APLP2: variants seen among roughly 807,000 people sequenced by gnomAD.
The protein encoded by APLP2 is amyloid beta precursor like protein 2, also known as CDEI box-binding protein.
Under a neutral mutation model 89.9 loss-of-function variants are expected in APLP2, and 53 were observed. That is an observed-to-expected ratio of 0.59 (90% confidence interval 0.47 to 0.74). The LOEUF (loss-of-function observed/expected upper bound fraction) is 0.74. Among genes scored for constraint, APLP2 ranks in the 30% least tolerant of loss-of-function variants. The probability of loss-of-function intolerance (pLI) is 0.00; values close to 1 mark genes in which losing one functional copy is unlikely to be tolerated. For missense variants in APLP2, 973 were observed against 975.9 expected (o/e 1.00, Z 0.04); for synonymous variants, 372 against 348.6 (o/e 1.07, Z -0.75).
chr11:130,078,179 T>C (rs1456934030), intron 1 of APLP2, among the ~76,000 whole-genome samples: 1 of 150,716 alleles, frequency 6.6e-6, no homozygotes, highest in Non-Finnish European at 1.5e-5. Flanking sequence ...TTTTTTTTTT[T>C]TAGCTTCATA....
chr11:130,113,057 C>A (rs1013875797), intron 3 of APLP2, among the ~76,000 whole-genome samples: 1 of 152,184 alleles, frequency 6.6e-6, no homozygotes, highest in East Asian at 1.9e-4. Flanking sequence ...CTGTAATACT[C>A]CTTGCTGTTG....
intron 7 of APLP2, among the ~76,000 whole-genome samples, chr11:130,125,439 AATGG>A (rs1261862334): frequency 1.3e-5 from 2 of 152,168 alleles, no homozygotes. Context: ...TGTCTTGGGG[AATGG>A]CATTTACCAA....
At chr11:130,136,610 G>T (rs1272544982) in intron 13 of APLP2, among the ~76,000 whole-genome samples, 1 of 152,126 alleles carries the variant, frequency 6.6e-6, no homozygotes, top group Non-Finnish European at 1.5e-5. Context: ...AATTAGGGGT[G>T]GGGGGATGGA....
intron 1 of APLP2, chr11:130,101,859 T>C (rs1946973436): frequency 1.1e-5 from 5 of 443,034 alleles, no homozygotes; most frequent in African/African-American, 1.0e-4. Flanking sequence ...TTTCCACTAA[T>C]GTCCTTTTCC....
chr11:130,085,992 G>C (rs1472835904), intron 1 of APLP2, among the ~76,000 whole-genome samples: 1 of 152,200 alleles, frequency 6.6e-6, no homozygotes, highest in Admixed American at 6.5e-5. Context: ...AAACAATGCT[G>C]CTATGAAAAT....
At chr11:130,076,256 G>A (rs929495331) in intron 1 of APLP2, among the ~76,000 whole-genome samples, 2 of 152,014 alleles carry the variant, frequency 1.3e-5, no homozygotes, top group African/African-American at 4.8e-5. Flanking sequence ...TATATTTTTA[G>A]TAGAGACAAG....
intron 1 of APLP2, among the ~76,000 whole-genome samples, chr11:130,090,376 A>T (rs1427707343): frequency 2.0e-5 from 3 of 147,544 alleles, no homozygotes; most frequent in Admixed American, 6.7e-5. Flanking sequence ...AAGTGAACAA[A>T]GGTCTCTGGT....
At chr11:130,101,525 G>C (rs1389132477) in intron 1 of APLP2, 2 of 161,690 alleles carry the variant, frequency 1.2e-5, no homozygotes, top group Admixed American at 1.3e-4. Context: ...TATTGAGCCT[G>C]TTCCGATTTT....
At chr11:130,129,516 A>C (rs1591836718) in intron 10 of APLP2, among the ~76,000 whole-genome samples, 3 of 152,338 alleles carry the variant, frequency 2.0e-5, no homozygotes, top group Admixed American at 2.0e-4. Context: ...AAAACATGCT[A>C]TTCATGAAGA....
intron 1 of APLP2, among the ~76,000 whole-genome samples, chr11:130,079,315 TCTCAAA>T (rs2135389171): frequency 1.3e-5 from 2 of 152,230 alleles, no homozygotes; most frequent in Admixed American, 1.3e-4. Context: ...GTCAGGCTGG[TCTCAAA>T]CTCCTGACCT....
Position 130,141,240 on chromosome 11 carries a change from C to G in APLP2, c.1924-258C>G, listed in dbSNP as rs1952345498. ...CTTTTTGGCAGTCTGTTCTGAGATA[C>G]GTCTCCACAACGGTTACTTGAAGGA... On this transcript the variant is annotated intron_variant, in intron 14 of 16. Transcript: ENST00000338167. The surrounding 1 kb of genome is among the most constrained non-coding windows in gnomAD (Gnocchi z 4.2). The G allele has an allele frequency of 4.3e-6, 2 of 463,400 alleles. No individual in the cohort carries two copies. The highest frequency in any genetic ancestry group is 2.8e-5 in the South Asian group (1 of 36,172). The allele number at this position is 463,400 out of a possible 1,614,324, so 28.7% of individuals were successfully genotyped here. A position where few individuals can be genotyped will look rare whatever the true frequency, so the allele number is the denominator to read the frequency against.
At chr11:130,099,709 T>C (rs1350743282) in intron 1 of APLP2, among the ~76,000 whole-genome samples, 2 of 152,256 alleles carry the variant, frequency 1.3e-5, no homozygotes, top group African/African-American at 4.8e-5. Context: ...GAAGAAGGAA[T>C]GTGCACTCTT....
At chr11:130,109,634 AT>A (rs1171496061) in intron 2 of APLP2, 32 bp downstream of exon 2, 2 of 1,588,592 alleles carry the variant, frequency 1.3e-6, no homozygotes, top group Admixed American at 3.6e-5. Flanking sequence ...TGAAAGTGTT[AT>A]TTTTCTGGGG....
At chr11:130,091,561 T>C (rs1945217146) in intron 1 of APLP2, among the ~76,000 whole-genome samples, 2 of 126,208 alleles carry the variant, frequency 1.6e-5, no homozygotes, top group East Asian at 2.7e-4. Flanking sequence ...CCCACCTCCC[T>C]CCCGGACGGG....
At chr11:130,142,768 C>T (rs1952577826) in intron 16 of APLP2, among the ~76,000 whole-genome samples, 1 of 152,106 alleles carries the variant, frequency 6.6e-6, no homozygotes, top group Non-Finnish European at 1.5e-5. Flanking sequence ...TGTGTGCCAC[C>T]ACGCCCAGCT....
chr11:130,087,695 ATTGGTTGGACTCCACCCTGCCC>A (rs1172032538), intron 1 of APLP2, among the ~76,000 whole-genome samples: 1 of 152,186 alleles, frequency 6.6e-6, no homozygotes, highest in East Asian at 1.9e-4. Flanking sequence ...TGGCCCTGCG[ATTGGTTGGACTCCACCCTGCCC>A]CTTATCCTCT....
chr11:130,123,542 G>C lies in APLP2; in HGVS notation c.923-70G>C. On this transcript the variant is annotated intron_variant, in intron 6 of 16. Transcript: ENST00000338167. The surrounding 1 kb of genome is among the most constrained non-coding windows in gnomAD (Gnocchi z 4.0). ...CCCCAGCCCATCCCCCAGCTCGCCA[G>C]CCTGTAGCATTTTGAAGCATTTGAC... 15 of 1,516,790 alleles carry C rather than the reference G, an allele frequency of 9.9e-6. No individual in the cohort carries two copies. The highest frequency in any genetic ancestry group is 1.3e-5 in the Non-Finnish European group (15 of 1,120,584). 94.0% of individuals were successfully genotyped at this position (1,516,790 alleles called of 1,614,324 possible). A position where few individuals can be genotyped will look rare whatever the true frequency, so the allele number is the denominator to read the frequency against.
chr11:130,129,998 T>G (rs773380475), intron 10 of APLP2, 40 bp from the exon 11 acceptor site: 1 of 1,602,058 alleles, frequency 6.2e-7, no homozygotes, highest in Non-Finnish European at 8.5e-7. Context: ...TTTTCAATTC[T>G]CTAGTCTCTG....
chr11:130,079,065 G>A (rs1041342513), intron 1 of APLP2, among the ~76,000 whole-genome samples: 2 of 150,936 alleles, frequency 1.3e-5, no homozygotes, highest in African/African-American at 4.9e-5. Flanking sequence ...TCCAATCCGG[G>A]AACATGACAT....
Sources: gnomAD v4.1 joint callset for allele counts (sites outside exome capture counted in the v4.1 genomes callset) on GRCh38, gnomAD v4.1.1 for gene constraint, Gnocchi (gnomAD v3.1) non-coding constraint, MANE v1.5 for transcripts, NCBI Gene and HGNC (gene_info 2026-07-23, HGNC 2026-07-21) for gene names.